The following OGFOD1 variants were observed in gnomAD, a reference collection of about 807,000 sequenced individuals.
The protein encoded by OGFOD1 is prolyl 3-hydroxylase OGFOD1.
A neutral mutation model predicts 67.7 loss-of-function variants in OGFOD1; 54 were observed. That is an observed-to-expected ratio of 0.80 (90% CI 0.64 to 1.00). The LOEUF (loss-of-function observed/expected upper bound fraction) is 1.00. Among genes scored for constraint, OGFOD1 ranks in the 50% least tolerant of loss-of-function variants. The pLI is 0.00. For missense variants in OGFOD1, 606 were observed against 646.7 expected, an observed-to-expected ratio of 0.94 and a Z score of 0.68; for synonymous variants, 221 against 227.0, an observed-to-expected ratio of 0.97 and a Z score of 0.24.
At chr16:56,463,539 C>T (rs1962800047) in intron 4 of OGFOD1, among the ~76,000 whole-genome samples, 1 of 151,756 alleles carries the variant, frequency 6.6e-6, no homozygotes, top group African/African-American at 2.4e-5. Flanking sequence ...TCTCCTGCCT[C>T]AGCCTCCTGA....
At chr16:56,455,191 C>T (rs1034288564) in intron 2 of OGFOD1, among the ~76,000 whole-genome samples, 35 of 152,058 alleles carry the variant, frequency 2.3e-4, no homozygotes, top group African/African-American at 8.0e-4. Context: ...CACAGTGAAA[C>T]CCCGTATCTA....
intron 2 of OGFOD1, chr16:56,454,722 C>A: frequency 2.7e-6 from 1 of 371,798 alleles, no homozygotes; most frequent in East Asian, 8.7e-5. Flanking sequence ...TTTATTTTAT[C>A]TGGGATAAGA....
At chr16:56,475,743 CAGTA>C (rs1240902949) in intron 12 of OGFOD1, among the ~76,000 whole-genome samples, 178 bp downstream of exon 12, 3 of 152,212 alleles carry the variant, frequency 2.0e-5, no homozygotes, top group African/African-American at 7.2e-5. Flanking sequence ...AAAGGATACT[CAGTA>C]AGCATTTATT....
rs776807500 is a variant in OGFOD1 at position 56,451,652 on chromosome 16, G to C, written c.40G>C (p.Val14Leu). The change falls in exon 1 of 13, where the codon GTG (valine) becomes CTG (leucine). Residue 14 changes from valine to leucine, a missense_variant. Transcript: ENST00000566157. ...GCCAGCGGAGCCCGGCCCAGCCCGG[G>C]TGGGAAAAAAGGGAAAGAAGGAGGT... ...KRPAEPGPAR[V>L]GKKGKKEVMA... is the part of the protein sequence containing the mutation. 1.9e-6 allele frequency: 3 copies of C among 1,613,914 alleles called. No individual in the cohort carries two copies. The African/African-American group carries it at 4.0e-5, about 22-fold the overall frequency.
At position 56,466,939 on chromosome 16, in the gene OGFOD1, T is replaced by C; in HGVS notation, c.629T>C (p.Phe210Ser). Residue 210 changes from phenylalanine (F) to serine (S), a missense_variant, in exon 6 of 13, where the codon TTT (phenylalanine) becomes TCT (serine). Transcript: ENST00000566157. The part of the protein sequence containing the change: ...LIPSWNKLVF[F>S]EVSPVSFHQV... ...CCTTCGTGGAACAAACTGGTTTTCT[T>C]TGAAGTATCTCCTGTGTCCTTTCAC... is the stretch of plus-strand genomic sequence containing the variant. 2 of 1,613,348 alleles carry C rather than the reference T, an allele frequency of 1.2e-6. No individual in the cohort carries two copies. The highest frequency in any genetic ancestry group is 2.2e-5 in the East Asian group (1 of 44,882).
intron 11 of OGFOD1, among the ~76,000 whole-genome samples, chr16:56,475,174 A>G (rs1381048085): frequency 2.0e-5 from 3 of 152,188 alleles, no homozygotes; most frequent in South Asian, 4.1e-4. Flanking sequence ...GGACCACACC[A>G]TAATTTTCCC....
chr16:56,458,217 C>G, intron 2 of OGFOD1: 1 of 273,772 alleles, frequency 3.7e-6, no homozygotes, highest in South Asian at 4.2e-5. Context: ...CCCATTCTTT[C>G]CCTGGGTTTC....
chr16:56,479,092 T>C lies in OGFOD1; in HGVS notation c.*2887T>C, dbSNP rs1567561252. 6.6e-6 allele frequency: 1 copy of C among 152,244 alleles called. No individual in the cohort carries two copies. Among genetic ancestry groups the C allele is most frequent in the Non-Finnish European group, 1.5e-5 (1 of 68,044 alleles). The allele number at this position is 152,244 out of a possible 1,614,324, so 9.4% of individuals were successfully genotyped here. ...CCTCTTTCAGATAAAAGCTATGATG[T>C]TCACCTGTAAAATATATGGTTTCTC... On this transcript the variant is annotated 3_prime_UTR_variant, in exon 13 of 13. Coordinates refer to ENST00000566157, the MANE Select transcript of OGFOD1 (RefSeq NM_018233.4).
rs1963472828 is a variant in OGFOD1, at chr16:56,476,265, G to T, written c.*60G>T. The T allele has an allele frequency of 1.3e-6, 2 of 1,525,342 alleles. No individual in the cohort carries two copies. Among genetic ancestry groups the T allele is most frequent in the Admixed American group, 3.8e-5 (2 of 52,592 alleles). 94.5% of individuals were successfully genotyped at this position (1,525,342 alleles called of 1,614,324 possible). On this transcript the variant is annotated 3_prime_UTR_variant, in exon 13 of 13. Transcript: ENST00000566157. ...TTCGTAATTACTGGGAAGTCTGAAA[G>T]AGCTAAGCATGGAGTCAAGGAGAAC...
At chr16:56,467,412 T>C in intron 7 of OGFOD1, 119 bp downstream of exon 7, 1 of 1,176,700 alleles carries the variant, frequency 8.5e-7, no homozygotes, top group Non-Finnish European at 1.2e-6. Flanking sequence ...CCTTTCCACT[T>C]TTCTTTTTTT....
In OGFOD1 at chr16:56,474,811, T is replaced by C. The variant is rs757369210; in HGVS notation, c.1286-17T>C. The C allele has an allele frequency of 1.1e-4, 101 of 948,244 alleles. No individual in the cohort carries two copies. The highest frequency in any genetic ancestry group is 1.4e-4 in the Non-Finnish European group (99 of 692,652). 58.7% of individuals were successfully genotyped at this position (948,244 alleles called of 1,614,324 possible). A position where few individuals can be genotyped will look rare whatever the true frequency, so the allele number is the denominator to read the frequency against. On this transcript the variant is annotated splice_polypyrimidine_tract_variant and intron_variant, in intron 10 of 12. Coordinates refer to ENST00000566157, the MANE Select transcript of OGFOD1 (RefSeq NM_018233.4). The stretch of plus-strand genomic sequence containing the variant: ...AGGTTATTTTTTAAAGTTTCTCATC[T>C]TTTTTTTTTTCCTTAGAATCAAGTG...
At position 56,469,993 on chromosome 16, in the gene OGFOD1, C is replaced by T. The variant is rs747974782; in HGVS notation, c.901-10C>T. 19 of 1,613,422 alleles carry T rather than the reference C, an allele frequency of 1.2e-5. No homozygotes were observed. In the South Asian group the frequency reaches 1.8e-4, roughly 15 times the overall value. The stretch of plus-strand genomic sequence containing the variant: ...TCTGCTGAATGCTTCTTTATTTGCT[C>T]ATTTTCTAGCCTGAGAAATTCACGA... On this transcript the variant is annotated splice_polypyrimidine_tract_variant and intron_variant, in intron 8 of 12. Coordinates refer to ENST00000566157, the MANE Select transcript of OGFOD1 (RefSeq NM_018233.4).
chr16:56,458,883 C>A (rs1425634171), intron 3 of OGFOD1: 1 of 393,670 alleles, frequency 2.5e-6, no homozygotes, highest in East Asian at 5.4e-5. Flanking sequence ...CCATTTTTCA[C>A]ATGTTAGGTT....
intron 3 of OGFOD1, among the ~76,000 whole-genome samples, chr16:56,459,203 G>A (rs574892780): frequency 6.6e-5 from 10 of 152,206 alleles, no homozygotes; most frequent in East Asian, 3.9e-4. Flanking sequence ...AGCTGGGCGC[G>A]GTGGCACATG....
chr16:56,467,415 CTTTT>C (rs1308577664), intron 7 of OGFOD1, 122 bp downstream of exon 7: 11 of 828,276 alleles, frequency 1.3e-5, no homozygotes, highest in South Asian at 4.5e-5. Flanking sequence ...TTCCACTTTT[CTTTT>C]TTTTTTCTTC....
At chr16:56,454,688 A>ATTT in intron 2 of OGFOD1, 1 of 317,672 alleles carries the variant, frequency 3.1e-6, no homozygotes. Context: ...ATGAAGAATA[A>ATTT]TTTTTTTTTT....
Position 56,475,624 on chromosome 16 carries a change from CAA to C in OGFOD1, c.1467+61_1467+62del, listed in dbSNP as rs1447842934. 4 of 1,449,166 alleles carry C rather than the reference CAA, an allele frequency of 2.8e-6. No homozygotes were observed. In the Admixed American group the frequency reaches 6.7e-5, roughly 24 times the overall value. 89.8% of individuals were successfully genotyped at this position (1,449,166 alleles called of 1,614,324 possible). ...AGTTATTGAGAATGCTTTCATTTTTCAAAGACCCAATTTTTATGACCTTCTAC... is the reference window on the plus strand; with the variant it reads ...AGTTATTGAGAATGCTTTCATTTTTCAGACCCAATTTTTATGACCTTCTAC... On this transcript the variant is annotated intron_variant, in intron 12 of 12. Coordinates refer to ENST00000566157, the MANE Select transcript of OGFOD1 (RefSeq NM_018233.4).
intron 11 of OGFOD1, 36 bp from the exon 12 acceptor site, chr16:56,475,471 G>A: frequency 6.2e-7 from 1 of 1,600,074 alleles, no homozygotes. Flanking sequence ...CTTTCAATAG[G>A]AGCTTTCTGA....
At chr16:56,462,695 A>G in intron 4 of OGFOD1, 61 bp downstream of exon 4, 1 of 982,424 alleles carries the variant, frequency 1.0e-6, no homozygotes. Context: ...GCATTAATGG[A>G]GAGATGGTAT....
Sources: gnomAD v4.1 joint callset for allele counts (sites outside exome capture counted in the v4.1 genomes callset) on GRCh38, gnomAD v4.1.1 for gene constraint, MANE v1.5 for transcripts, NCBI Gene and HGNC (gene_info 2026-07-23, HGNC 2026-07-21) for gene names.